The following PAQR5 variants were observed in gnomAD, a reference collection of about 807,000 sequenced individuals.
PAQR5 encodes membrane progestin receptor gamma.
A neutral mutation model predicts 34.5 loss-of-function variants in PAQR5; 20 were observed. That is an observed-to-expected ratio of 0.58 (90% CI 0.41 to 0.84). The LOEUF is 0.84. Ranked by LOEUF, PAQR5 falls within the 40% of genes least tolerant of loss-of-function variation. PAQR5 has a pLI of 0.00. For missense variants in PAQR5, 378 were observed against 412.7 expected (o/e 0.92, Z 0.73); for synonymous variants, 131 against 155.6 (o/e 0.84, Z 1.18).
chr15:69,396,848 G>T, intron 6 of PAQR5: 1 of 292,332 alleles, frequency 3.4e-6, no homozygotes. Flanking sequence ...TTTTAATGTT[G>T]CTGTCAGCTG....
intron 8 of PAQR5, among the ~76,000 whole-genome samples, chr15:69,402,209 G>C (rs1480661089): frequency 6.6e-6 from 1 of 152,178 alleles, no homozygotes; most frequent in Non-Finnish European, 1.5e-5. Flanking sequence ...TGGCAAGTAG[G>C]CTTCTCCGGA....
intron 2 of PAQR5, among the ~76,000 whole-genome samples, chr15:69,356,227 T>C (rs575544854): frequency 1.9e-4 from 29 of 152,208 alleles, no homozygotes; most frequent in Non-Finnish European, 3.2e-4. Context: ...CTGGTGTGTT[T>C]GAGTTTCCCT....
intron 2 of PAQR5, among the ~76,000 whole-genome samples, chr15:69,355,287 CTTT>C (rs761896771): frequency 1.4e-5 from 2 of 143,892 alleles, no homozygotes; most frequent in South Asian, 4.6e-4. Context: ...CTCTTTCTTT[CTTT>C]TCTTTCTTTC....
chr15:69,378,458 A>AAAG (rs1337532462), intron 3 of PAQR5, among the ~76,000 whole-genome samples: 82 of 143,818 alleles, frequency 5.7e-4, no homozygotes, highest in African/African-American at 1.8e-3. Flanking sequence ...AAAAAAAAAA[A>AAAG]AGAGAGAGAG....
intron 1 of PAQR5, among the ~76,000 whole-genome samples, chr15:69,306,383 C>A (rs1275757237): frequency 2.0e-5 from 3 of 148,238 alleles, no homozygotes; most frequent in Non-Finnish European, 4.5e-5. Flanking sequence ...ACCATTTAAC[C>A]TTTAACCATT....
chr15:69,349,370 C>T (rs1031139606), intron 2 of PAQR5, among the ~76,000 whole-genome samples: 5 of 152,164 alleles, frequency 3.3e-5, no homozygotes, highest in Admixed American at 1.3e-4. Context: ...ATGTGACCCA[C>T]GAGGAGCTGT....
chr15:69,352,097 G>C (rs1463681326), intron 2 of PAQR5, among the ~76,000 whole-genome samples: 1 of 152,232 alleles, frequency 6.6e-6, no homozygotes, highest in African/African-American at 2.4e-5. Context: ...ATTGGTGCTT[G>C]ATGTGTCAGT....
At chr15:69,378,813 T>G (rs375978665) in intron 3 of PAQR5, among the ~76,000 whole-genome samples, 1 of 152,162 alleles carries the variant, frequency 6.6e-6, no homozygotes, top group Admixed American at 6.5e-5. Context: ...CATTTCTGTT[T>G]GTCACAACTT....
intron 5 of PAQR5, among the ~76,000 whole-genome samples, chr15:69,386,024 T>A (rs1415578594): frequency 7.2e-6 from 1 of 138,596 alleles, no homozygotes; most frequent in Non-Finnish European, 1.5e-5. Context: ...TAAACACACA[T>A]CACATACACA....
rs1231320927 is a variant in PAQR5 at position 69,407,139 on chromosome 15, A to T, written c.*3317A>T. The T allele has an allele frequency of 2.0e-5, 3 of 152,036 alleles. No homozygotes were observed. The highest frequency in any genetic ancestry group is 4.8e-5 in the African/African-American group (2 of 41,406). 9.4% of individuals were successfully genotyped at this position (152,036 alleles called of 1,614,324 possible). A position where few individuals can be genotyped will look rare whatever the true frequency, so the allele number is the denominator to read the frequency against. ...TGGTACCCTTTAACATTTTTTAATT[A>T]AAAAAAATATTTTTTGAGACAGGGT... On this transcript the variant is annotated 3_prime_UTR_variant, in exon 9 of 9. Transcript: ENST00000395407.
chr15:69,384,898 T>C lies in PAQR5; in HGVS notation c.385+16T>C. 1 of 1,604,596 alleles carries C rather than the reference T, an allele frequency of 6.2e-7. No homozygotes were observed. Among genetic ancestry groups the C allele is most frequent in the Non-Finnish European group, 8.5e-7 (1 of 1,172,624 alleles). ...TTCAGCCTGGGTATGTGAGGCCTTG[T>C]TCTTGCTTTCCTTCCCCTGCAACCG... On this transcript the variant is annotated intron_variant, in intron 5 of 8. Transcript: ENST00000395407.
chr15:69,366,744 G>T (rs746036051), intron 3 of PAQR5, among the ~76,000 whole-genome samples: 1 of 151,906 alleles, frequency 6.6e-6, no homozygotes. Context: ...TACCAATTTT[G>T]TTCTACTTGA....
At chr15:69,308,192 A>G (rs2053758776) in intron 1 of PAQR5, among the ~76,000 whole-genome samples, 1 of 152,166 alleles carries the variant, frequency 6.6e-6, no homozygotes, top group African/African-American at 2.4e-5. Flanking sequence ...ATGTCATATC[A>G]ATCCACACAT....
At chr15:69,306,182 T>G in intron 1 of PAQR5, among the ~76,000 whole-genome samples, 1 of 151,814 alleles carries the variant, frequency 6.6e-6, no homozygotes, top group East Asian at 1.9e-4. Flanking sequence ...CACCCAGCTG[T>G]GTTGCGGGGA....
At position 69,359,066 on chromosome 15, in the gene PAQR5, G is replaced by A. The variant is rs145684081; in HGVS notation, c.-115-900G>A. ...AGGTCACAGTGCCAGCAGATTCCCC[G>A]TCTGGTGAGGGCCCATTCCTCATAG... On this transcript the variant is annotated intron_variant, in intron 2 of 8. Transcript: ENST00000395407. Among the ~76,000 whole-genome samples the A allele has an allele frequency of 1.1e-3, 168 of 152,246 alleles. 1 individual carries two copies. The highest frequency in any genetic ancestry group is 3.4e-3 in the African/African-American group (142 of 41,546).
At chr15:69,327,283 C>T (rs561851162) in intron 1 of PAQR5, among the ~76,000 whole-genome samples, 17 of 152,282 alleles carry the variant, frequency 1.1e-4, no homozygotes, top group East Asian at 5.8e-4. Flanking sequence ...TGAGCCACTG[C>T]GCCCACCACA....
In PAQR5 at chr15:69,384,718, A is replaced by T; in HGVS notation, c.221A>T (p.Asp74Val). 6.2e-7 allele frequency: 1 copy of T among 1,614,114 alleles called. No individual in the cohort carries two copies. Among genetic ancestry groups the T allele is most frequent in the Non-Finnish European group, 8.5e-7 (1 of 1,179,964 alleles). The change falls in exon 5 of 9, where the codon GAC becomes GTC. Residue 74 changes from aspartate (D) to valine (V), a missense_variant. Asp to Val is a radical substitution (Grantham distance 152). Coordinates refer to ENST00000395407, the MANE Select transcript of PAQR5 (RefSeq NM_017705.4). ...WRFVTALYMTDIKNDSYSWPM... is the reference protein window; with the variant it reads ...WRFVTALYMTVIKNDSYSWPM... The stretch of plus-strand genomic sequence containing the variant: ...TTTGTGACTGCACTGTATATGACAG[A>T]CATCAAGAATGACAGCTACTCCTGG...
At chr15:69,358,253 G>T (rs1369181200) in intron 2 of PAQR5, among the ~76,000 whole-genome samples, 3 of 152,164 alleles carry the variant, frequency 2.0e-5, no homozygotes, top group African/African-American at 4.8e-5. Flanking sequence ...CTCTTAAGTG[G>T]TCTTCATCCT....
chr15:69,329,632 A>T (rs1233754055), intron 1 of PAQR5, among the ~76,000 whole-genome samples: 1 of 151,704 alleles, frequency 6.6e-6, no homozygotes, highest in Admixed American at 6.6e-5. Context: ...CTACAGGTGT[A>T]TGCCACCACA....
Sources: allele counts gnomAD v4.1 joint callset (sites outside exome capture counted in the v4.1 genomes callset), GRCh38; gene constraint gnomAD v4.1.1; transcripts MANE v1.5; gene names NCBI Gene and HGNC (gene_info 2026-07-23, HGNC 2026-07-21).